The following WWP1 variants were observed in gnomAD, a reference collection of about 807,000 sequenced individuals.
The protein encoded by WWP1 is NEDD4-like E3 ubiquitin-protein ligase WWP1.
A neutral mutation model predicts 130.6 loss-of-function variants in WWP1; 49 were observed. The observed-to-expected ratio is 0.38, with a 90% CI of 0.30 to 0.48. The LOEUF (loss-of-function observed/expected upper bound fraction) is 0.48. Ranked by LOEUF, WWP1 falls within the 20% of genes least tolerant of loss-of-function variation. WWP1 has a pLI of 0.99. For missense variants in WWP1, 809 were observed against 1,100.6 expected (o/e 0.74, Z 3.75); for synonymous variants, 332 against 367.8 (o/e 0.90, Z 1.11).
At chr8:86,439,472 G>A (rs1269078433) in intron 17 of WWP1, among the ~76,000 whole-genome samples, 1 of 152,136 alleles carries the variant, frequency 6.6e-6, no homozygotes, top group Non-Finnish European at 1.5e-5. Flanking sequence ...TGAGATTACA[G>A]GTGTGAGGCA....
chr8:86,350,212 G>A (rs536234248), intron 1 of WWP1, among the ~76,000 whole-genome samples: 17 of 152,188 alleles, frequency 1.1e-4, no homozygotes, highest in Admixed American at 5.9e-4. Context: ...GGTTTTTCTC[G>A]CATTATCACT....
intron 8 of WWP1, among the ~76,000 whole-genome samples, chr8:86,404,497 C>G (rs1200512294): frequency 2.0e-5 from 3 of 152,180 alleles, no homozygotes; most frequent in African/African-American, 7.2e-5. Context: ...GTAATAAGTT[C>G]AGTTCTCGCA....
chr8:86,364,424 A>G (rs1823841514), intron 1 of WWP1, among the ~76,000 whole-genome samples: 1 of 152,226 alleles, frequency 6.6e-6, no homozygotes, highest in Admixed American at 6.5e-5. Flanking sequence ...GTGCATTTTA[A>G]TGTAAGAATA....
At chr8:86,410,927 A>G (rs976290213) in intron 8 of WWP1, among the ~76,000 whole-genome samples, 1 of 151,908 alleles carries the variant, frequency 6.6e-6, no homozygotes, top group African/African-American at 2.4e-5. Flanking sequence ...TAATCTATTC[A>G]CCCTTACAGT....
intron 5 of WWP1, among the ~76,000 whole-genome samples, chr8:86,383,992 G>A (rs1288152424): frequency 6.6e-6 from 1 of 152,124 alleles, no homozygotes; most frequent in Non-Finnish European, 1.5e-5. Flanking sequence ...GGAAGTCGGT[G>A]ATTAAGATAT....
chr8:86,362,492 C>T (rs1295205838), intron 1 of WWP1, among the ~76,000 whole-genome samples: 2 of 151,824 alleles, frequency 1.3e-5, no homozygotes, highest in African/African-American at 2.4e-5. Context: ...GGGCAGCAAC[C>T]AAATTGCAAG....
At chr8:86,384,357 T>C (rs1292488124) in intron 5 of WWP1, among the ~76,000 whole-genome samples, 1 of 152,198 alleles carries the variant, frequency 6.6e-6, no homozygotes, top group African/African-American at 2.4e-5. Flanking sequence ...CATTTATGGG[T>C]ATTAGTTTTA....
At chr8:86,358,374 A>ACCACT (rs897677248) in intron 1 of WWP1, among the ~76,000 whole-genome samples, 44 of 152,306 alleles carry the variant, frequency 2.9e-4, no homozygotes, top group African/African-American at 1.0e-3. Flanking sequence ...TCTTAACCTA[A>ACCACT]CCACTCTAGC....
chr8:86,347,713 T>A lies in WWP1; in HGVS notation c.-115+4783T>A, dbSNP rs145851786. Among the ~76,000 whole-genome samples, 664 of 152,358 alleles carry A rather than the reference T, an allele frequency of 4.4e-3. 6 individuals are homozygous for A. The highest frequency in any genetic ancestry group is 0.015 in the African/African-American group (630 of 41,584). ...AAGTACATTGGTGAAATGTAGATAT[T>A]TATTTTTTTGAAAATTTTGAATTTA... On this transcript the variant is annotated intron_variant, in intron 1 of 24. Transcript: ENST00000517970.
intron 9 of WWP1, among the ~76,000 whole-genome samples, chr8:86,421,870 A>G (rs1419914111): frequency 6.6e-6 from 1 of 152,158 alleles, no homozygotes; most frequent in Admixed American, 6.5e-5. Flanking sequence ...ATATTAACAA[A>G]TAATCGGGAA....
chr8:86,388,358 G>A (rs558066517), intron 5 of WWP1, among the ~76,000 whole-genome samples: 9 of 151,948 alleles, frequency 5.9e-5, no homozygotes, highest in Non-Finnish European at 1.0e-4. Flanking sequence ...GGACTCAAGC[G>A]ATCCTCCCAC....
intron 1 of WWP1, among the ~76,000 whole-genome samples, chr8:86,355,475 G>A (rs1265976585): frequency 2.6e-5 from 4 of 152,260 alleles, no homozygotes; most frequent in East Asian, 1.9e-4. Context: ...GAAAAAAGTC[G>A]TTAAGCAAAT....
intron 1 of WWP1, among the ~76,000 whole-genome samples, chr8:86,363,794 C>CAAAAAA (rs375454489): frequency 1.7e-5 from 1 of 57,560 alleles, no homozygotes; most frequent in Non-Finnish European, 3.5e-5. Context: ...GACTCCATCT[C>CAAAAAA]AAAAAAAAAA....
intron 3 of WWP1, among the ~76,000 whole-genome samples, chr8:86,376,737 T>G (rs1824677517): frequency 6.6e-6 from 1 of 152,162 alleles, no homozygotes; most frequent in Non-Finnish European, 1.5e-5. Context: ...CATGACAGTA[T>G]TTATCATTTT....
At chr8:86,466,422 C>CA (rs1812140863) in intron 24 of WWP1, among the ~76,000 whole-genome samples, 1 of 151,810 alleles carries the variant, frequency 6.6e-6, no homozygotes, top group African/African-American at 2.4e-5. Flanking sequence ...ATAAAAAATT[C>CA]TCGGTAAATG....
chr8:86,422,331 T>G (rs754583831), intron 9 of WWP1, among the ~76,000 whole-genome samples: 8,947 of 55,222 alleles, frequency 0.16, 333 homozygotes, highest in Non-Finnish European at 0.22. Context: ...ATTTATTTAT[T>G]TATTTATTTA....
chr8:86,355,961 G>A (rs1314005981), intron 1 of WWP1, among the ~76,000 whole-genome samples: 1 of 152,202 alleles, frequency 6.6e-6, no homozygotes, highest in East Asian at 1.9e-4. Flanking sequence ...TTCAAATTCA[G>A]ACTTACTAGT....
intron 5 of WWP1, among the ~76,000 whole-genome samples, chr8:86,388,470 GTGTT>G (rs1825419566): frequency 6.6e-6 from 1 of 152,000 alleles, no homozygotes; most frequent in South Asian, 2.1e-4. Context: ...TTTGAAATCT[GTGTT>G]TGTTTTCTCC....
Position 86,466,707 on chromosome 8 carries a change from C to T in WWP1, c.2670-87C>T. The T allele has an allele frequency of 9.0e-6, 8 of 887,124 alleles. No homozygotes were observed. In the South Asian group the frequency reaches 1.3e-4, roughly 14 times the overall value. 55.0% of individuals were successfully genotyped at this position (887,124 alleles called of 1,614,324 possible). On this transcript the variant is annotated intron_variant, in intron 24 of 24. Coordinates refer to ENST00000517970, the MANE Select transcript of WWP1 (RefSeq NM_007013.4). ...CATATATAGTATACATATATCCATT[C>T]AGCATTTCTATGTGCTTTGAAAAGT...
Sources: gnomAD v4.1 joint callset for allele counts (sites outside exome capture counted in the v4.1 genomes callset) on GRCh38, gnomAD v4.1.1 for gene constraint, MANE v1.5 for transcripts, NCBI Gene and HGNC (gene_info 2026-07-23, HGNC 2026-07-21) for gene names.